Variants in ATRNL1 observed in about 807,000 individuals in gnomAD.
The protein encoded by ATRNL1 is attractin-like protein 1.
In ATRNL1, 95 loss-of-function variants were observed where a neutral mutation model predicts 182.7. The observed-to-expected ratio is 0.52, with a 90% CI of 0.44 to 0.62. The LOEUF is 0.62. Among genes scored for constraint, ATRNL1 ranks in the 20% least tolerant of loss-of-function variants. The pLI, the probability that ATRNL1 is intolerant of heterozygous loss-of-function variation, is 0.00. For missense variants in ATRNL1, 1,471 were observed against 1,679.5 expected (o/e 0.88, Z 2.17); for synonymous variants, 576 against 568.3 (o/e 1.01, Z -0.19).
At chr10:115,741,763 G>A (rs1948146000) in intron 27 of ATRNL1, among the ~76,000 whole-genome samples, 1 of 152,040 alleles carries the variant, frequency 6.6e-6, no homozygotes, top group Non-Finnish European at 1.5e-5. Flanking sequence ...GGATAGTCTG[G>A]GTCAAAAAGA....
chr10:115,194,979 TAAA>T (rs1554890687), intron 8 of ATRNL1, among the ~76,000 whole-genome samples: 1 of 151,926 alleles, frequency 6.6e-6, no homozygotes. Flanking sequence ...AATAAGCAAA[TAAA>T]AAACTAAAAA....
chr10:115,201,971 G>A (rs557374419), intron 8 of ATRNL1, among the ~76,000 whole-genome samples: 3 of 152,086 alleles, frequency 2.0e-5, no homozygotes, highest in East Asian at 1.9e-4. Flanking sequence ...GGATTCCTAA[G>A]TATTTTATTC....
chr10:115,656,246 A>G (rs182607523), intron 26 of ATRNL1, among the ~76,000 whole-genome samples: 10 of 152,332 alleles, frequency 6.6e-5, no homozygotes, highest in Non-Finnish European at 1.3e-4. Flanking sequence ...ACTTATATAT[A>G]TAGCTCCTTA....
At chr10:115,770,487 A>C (rs1555076096) in intron 27 of ATRNL1, among the ~76,000 whole-genome samples, 2 of 152,188 alleles carry the variant, frequency 1.3e-5, no homozygotes, top group African/African-American at 4.8e-5. Context: ...GATTAAGCTT[A>C]TTCAAAATAA....
chr10:115,830,533 C>T (rs1255119433), intron 27 of ATRNL1, among the ~76,000 whole-genome samples: 5 of 152,016 alleles, frequency 3.3e-5, no homozygotes, highest in South Asian at 2.1e-4. Context: ...TGGGATGAGT[C>T]GTGATGATAG....
At chr10:115,543,848 C>A (rs1554992827) in intron 25 of ATRNL1, among the ~76,000 whole-genome samples, 1 of 151,948 alleles carries the variant, frequency 6.6e-6, no homozygotes, top group African/African-American at 2.4e-5. Flanking sequence ...TTATGCTTCC[C>A]TTTTTTATTC....
intron 24 of ATRNL1, among the ~76,000 whole-genome samples, chr10:115,498,736 CTATT>C (rs545284773): frequency 3.5e-4 from 53 of 151,764 alleles, no homozygotes; most frequent in African/African-American, 1.3e-3. Flanking sequence ...GTTTCCTTAA[CTATT>C]AATGTATTTT....
At chr10:115,868,988 C>G (rs900355235) in intron 28 of ATRNL1, among the ~76,000 whole-genome samples, 3 of 151,768 alleles carry the variant, frequency 2.0e-5, no homozygotes, top group Non-Finnish European at 4.4e-5. Context: ...CGCCACCACG[C>G]CCGGCTAATT....
chr10:115,173,479 A>T (rs1342154098), intron 8 of ATRNL1, among the ~76,000 whole-genome samples: 1 of 152,052 alleles, frequency 6.6e-6, no homozygotes, highest in South Asian at 2.1e-4. Context: ...TATTTATAAA[A>T]TCGACTTTAT....
At chr10:115,934,521 C>T (rs1953497658) in intron 28 of ATRNL1, among the ~76,000 whole-genome samples, 1 of 152,032 alleles carries the variant, frequency 6.6e-6, no homozygotes, top group African/African-American at 2.4e-5. Flanking sequence ...ATTCCTGTTC[C>T]ATCATATGCT....
chr10:115,738,125 G>GTTTTTTTTTTTTTTTTTTT (rs1565334914), intron 27 of ATRNL1, among the ~76,000 whole-genome samples: 5 of 53,150 alleles, frequency 9.4e-5, no homozygotes, highest in African/African-American at 1.1e-4. Context: ...AGAAGATAAT[G>GTTTTTTTTTTTTTTTTTTT]ATTTTTTTTT....
At chr10:115,486,598 T>G (rs1468868153) in intron 24 of ATRNL1, among the ~76,000 whole-genome samples, 1 of 151,848 alleles carries the variant, frequency 6.6e-6, no homozygotes, top group Non-Finnish European at 1.5e-5. Flanking sequence ...GGGGTTGTTT[T>G]TTTCTTGTAA....
chr10:115,616,294 C>T (rs782718616), intron 26 of ATRNL1, among the ~76,000 whole-genome samples: 5 of 152,096 alleles, frequency 3.3e-5, no homozygotes, highest in East Asian at 1.9e-4. Flanking sequence ...CAAGTTGTGG[C>T]GTGGCTGCAG....
chr10:115,257,286 G>GGC (rs1450156370), intron 10 of ATRNL1, among the ~76,000 whole-genome samples: 3 of 152,122 alleles, frequency 2.0e-5, no homozygotes, highest in African/African-American at 7.2e-5. Context: ...GGTCTCCAAG[G>GGC]GCTTGCTTTA....
At chr10:115,455,087 A>AT (rs1847458286) in intron 21 of ATRNL1, among the ~76,000 whole-genome samples, 1 of 152,066 alleles carries the variant, frequency 6.6e-6, no homozygotes, top group Non-Finnish European at 1.5e-5. Context: ...GTTGTTCAGT[A>AT]TTTTTTATCA....
At chr10:115,872,197 G>A (rs1224420724) in intron 28 of ATRNL1, among the ~76,000 whole-genome samples, 1 of 152,188 alleles carries the variant, frequency 6.6e-6, no homozygotes, top group Non-Finnish European at 1.5e-5. Flanking sequence ...TGCACTACAA[G>A]AATACATTTG....
At chr10:115,228,492 A>G (rs1849789400) in intron 9 of ATRNL1, among the ~76,000 whole-genome samples, 2 of 152,164 alleles carry the variant, frequency 1.3e-5, no homozygotes, top group African/African-American at 4.8e-5. Flanking sequence ...ATATGTTTGT[A>G]CAACTTATAA....
At chr10:115,292,405 A>G (rs1382397753) in intron 15 of ATRNL1, among the ~76,000 whole-genome samples, 5 of 144,610 alleles carry the variant, frequency 3.5e-5, no homozygotes, top group Non-Finnish European at 6.1e-5. Flanking sequence ...CTAATTTTGG[A>G]TTTTTTTTTT....
chr10:115,862,205 G>A (rs1412229041), intron 28 of ATRNL1, among the ~76,000 whole-genome samples: 2 of 152,134 alleles, frequency 1.3e-5, no homozygotes, highest in Non-Finnish European at 2.9e-5. Flanking sequence ...TCTTTTTAAA[G>A]CATTATTTGT....
Sources: allele counts gnomAD v4.1 joint callset (sites outside exome capture counted in the v4.1 genomes callset), GRCh38; gene constraint gnomAD v4.1.1; transcripts MANE v1.5; gene names NCBI Gene and HGNC (gene_info 2026-07-23, HGNC 2026-07-21).